The following STXBP6 variants were observed in gnomAD, a reference collection of about 807,000 sequenced individuals.
STXBP6 encodes the protein syntaxin-binding protein 6.
A neutral mutation model predicts 26.9 loss-of-function variants in STXBP6; 21 were observed. The observed-to-expected ratio is 0.78, with a 90% CI of 0.55 to 1.12. The LOEUF is 1.12. Ranked by LOEUF, STXBP6 falls within the 50% of genes most tolerant of loss-of-function variation. The pLI, the probability that STXBP6 is intolerant of heterozygous loss-of-function variation, is 0.00. For synonymous variants in STXBP6, 97 were observed against 92.6 expected (o/e 1.05, Z -0.27); for missense variants, 232 against 257.9 (o/e 0.90, Z 0.69).
chr14:24,813,092 C>T (rs915384387), intron 5 of STXBP6, among the ~76,000 whole-genome samples: 1 of 152,092 alleles, frequency 6.6e-6, no homozygotes, highest in African/African-American at 2.4e-5. Flanking sequence ...CCCAGCTATT[C>T]AGGAGAAGCA....
intron 1 of STXBP6, among the ~76,000 whole-genome samples, chr14:24,975,173 C>T (rs2074013682): frequency 6.6e-6 from 1 of 152,136 alleles, no homozygotes; most frequent in African/African-American, 2.4e-5. Context: ...CAAGCAGTAC[C>T]CACTCTATTC....
chr14:24,821,756 C>A (rs1362711822), intron 4 of STXBP6, among the ~76,000 whole-genome samples: 1 of 152,144 alleles, frequency 6.6e-6, no homozygotes, highest in Non-Finnish European at 1.5e-5. Flanking sequence ...CAATCACGGG[C>A]AACTCTTCTC....
chr14:24,991,525 TAC>T (rs2074474530), intron 1 of STXBP6, among the ~76,000 whole-genome samples: 1 of 152,158 alleles, frequency 6.6e-6, no homozygotes, highest in African/African-American at 2.4e-5. Context: ...GAGTCTTAAA[TAC>T]ACAGAGAACT....
intron 2 of STXBP6, among the ~76,000 whole-genome samples, chr14:24,908,990 G>A (rs1253936091): frequency 6.6e-6 from 1 of 152,138 alleles, no homozygotes; most frequent in Non-Finnish European, 1.5e-5. Context: ...ATAGAAATAG[G>A]TAAAATACAC....
intron 1 of STXBP6, among the ~76,000 whole-genome samples, chr14:25,024,240 C>T (rs1474601100): frequency 2.6e-5 from 4 of 151,308 alleles, no homozygotes; most frequent in African/African-American, 4.9e-5. Context: ...ACCTGAGAGG[C>T]GGAGGTTGCA....
At chr14:24,904,636 T>C (rs1411099308) in intron 2 of STXBP6, among the ~76,000 whole-genome samples, 1 of 152,076 alleles carries the variant, frequency 6.6e-6, no homozygotes, top group Non-Finnish European at 1.5e-5. Flanking sequence ...AATGATATCC[T>C]TGTAAGAGGA....
chr14:25,049,856 G>C lies in STXBP6; in HGVS notation c.-33+22C>G. 2 of 985,506 alleles carry C rather than the reference G, an allele frequency of 2.0e-6. No homozygotes were observed. Among genetic ancestry groups the C allele is most frequent in the Non-Finnish European group, 2.4e-6 (2 of 830,076 alleles). 61.0% of individuals were successfully genotyped at this position (985,506 alleles called of 1,614,324 possible). ...GCTTGGCCTCCGCCCTGACCGCCTG[G>C]CTCCCCTCGCCCCGGTCCTACCGTG... is the stretch of plus-strand genomic sequence containing the variant. On this transcript the variant is annotated intron_variant, in intron 1 of 5. Transcript: ENST00000323944. This position sits in a 1 kb window ranked among gnomAD's most constrained non-coding sequence, Gnocchi z 5.6.
At chr14:24,997,226 T>C (rs1425694403) in intron 1 of STXBP6, among the ~76,000 whole-genome samples, 1 of 152,138 alleles carries the variant, frequency 6.6e-6, no homozygotes, top group African/African-American at 2.4e-5. Flanking sequence ...AACACTCACA[T>C]ACGCAGGTGC....
At chr14:24,937,154 G>C (rs2072630688) in intron 2 of STXBP6, among the ~76,000 whole-genome samples, 2 of 152,218 alleles carry the variant, frequency 1.3e-5, no homozygotes, top group Non-Finnish European at 2.9e-5. Context: ...TGAGGGTGGA[G>C]GGAGGCATAG....
At chr14:24,994,991 G>A (rs111651094) in intron 1 of STXBP6, 6,004 of 138,982 alleles carry the variant, frequency 0.043, 143 homozygotes, top group Middle Eastern at 0.098. Flanking sequence ...TAGCCTAGGT[G>A]ACAGAGTGAG....
intron 2 of STXBP6, among the ~76,000 whole-genome samples, chr14:24,924,662 A>AGGCAAG (rs1201513913): frequency 6.6e-6 from 1 of 152,140 alleles, no homozygotes; most frequent in Non-Finnish European, 1.5e-5. Flanking sequence ...CAATAAGGCA[A>AGGCAAG]GCATGTATGT....
intron 2 of STXBP6, among the ~76,000 whole-genome samples, chr14:24,881,918 G>A (rs893304168): frequency 3.3e-5 from 5 of 152,128 alleles, no homozygotes; most frequent in African/African-American, 1.2e-4. Context: ...GCCAAAAATT[G>A]GAGGCCAGTG....
intron 2 of STXBP6, among the ~76,000 whole-genome samples, chr14:24,972,209 C>A (rs1305011696): frequency 6.6e-6 from 1 of 151,896 alleles, no homozygotes; most frequent in Admixed American, 6.5e-5. Flanking sequence ...AAAAGATTTT[C>A]CTCCATTAGA....
intron 2 of STXBP6, among the ~76,000 whole-genome samples, chr14:24,919,077 C>CAGGGA (rs1448239308): frequency 1.4e-4 from 22 of 152,190 alleles, no homozygotes; most frequent in Non-Finnish European, 2.9e-4. Flanking sequence ...GCCTAACTTC[C>CAGGGA]TCCTTCCTCA....
At chr14:24,944,233 C>A (rs902104932) in intron 2 of STXBP6, among the ~76,000 whole-genome samples, 1 of 152,150 alleles carries the variant, frequency 6.6e-6, no homozygotes, top group Non-Finnish European at 1.5e-5. Context: ...TGCCACCGCA[C>A]GGAAGGTATC....
chr14:24,929,340 G>C (rs1438776887), intron 2 of STXBP6, among the ~76,000 whole-genome samples: 1 of 152,194 alleles, frequency 6.6e-6, no homozygotes, highest in African/African-American at 2.4e-5. Flanking sequence ...AGCTGAAGCT[G>C]TTTCCCCCAT....
At chr14:24,967,226 T>C (rs892131832) in intron 2 of STXBP6, among the ~76,000 whole-genome samples, 2 of 152,226 alleles carry the variant, frequency 1.3e-5, no homozygotes, top group Admixed American at 6.5e-5. Flanking sequence ...TTAAAGGAGT[T>C]AACATGTGGA....
chr14:24,849,956 G>A (rs1296440062), intron 4 of STXBP6, among the ~76,000 whole-genome samples: 4 of 152,120 alleles, frequency 2.6e-5, no homozygotes, highest in Admixed American at 1.3e-4. Flanking sequence ...GTTGCAGCAT[G>A]TGTAGGAGTG....
At chr14:24,918,452 C>CCACACA (rs55810129) in intron 2 of STXBP6, among the ~76,000 whole-genome samples, 8,787 of 133,308 alleles carry the variant, frequency 0.066, 369 homozygotes, top group East Asian at 0.11. Context: ...CACACCCCCA[C>CCACACA]CACACACACA....
Sources: gnomAD v4.1 joint callset for allele counts (sites outside exome capture counted in the v4.1 genomes callset) on GRCh38, gnomAD v4.1.1 for gene constraint, Gnocchi (gnomAD v3.1) non-coding constraint, MANE v1.5 for transcripts, NCBI Gene and HGNC (gene_info 2026-07-23, HGNC 2026-07-21) for gene names.